The following MAML3 variants were observed in gnomAD, a reference collection of about 807,000 sequenced individuals.
MAML3 encodes the protein mastermind like transcriptional coactivator 3.
In MAML3, 27 loss-of-function variants were observed where a neutral mutation model predicts 101.9. The ratio of observed to expected loss-of-function variants is 0.27; its 90% CI spans 0.20 to 0.37. The LOEUF (loss-of-function observed/expected upper bound fraction) is 0.37, where lower values mean the gene tolerates loss of function less well. Ranked by LOEUF, MAML3 falls within the 10% of genes least tolerant of loss-of-function variation. The pLI, the probability that MAML3 is intolerant of heterozygous loss-of-function variation, is 1.00. For missense variants in MAML3, 1,316 were observed against 1,444.9 expected, an observed-to-expected ratio of 0.91 and a Z score of 1.45; for synonymous variants, 501 against 555.9, an observed-to-expected ratio of 0.90 and a Z score of 1.39.
intron 2 of MAML3, among the ~76,000 whole-genome samples, chr4:139,756,526 C>A (rs936540033): frequency 6.6e-6 from 1 of 152,088 alleles, no homozygotes; most frequent in Non-Finnish European, 1.5e-5. Flanking sequence ...TTAAAGGGAC[C>A]CCGAGGCACT....
At chr4:139,750,126 C>T (rs1018710068) in intron 2 of MAML3, among the ~76,000 whole-genome samples, 1 of 152,152 alleles carries the variant, frequency 6.6e-6, no homozygotes, top group Non-Finnish European at 1.5e-5. Context: ...GCAAGAATTC[C>T]AAACCCCCAA....
At chr4:140,049,659 A>G (rs1161243798) in intron 1 of MAML3, among the ~76,000 whole-genome samples, 2 of 143,594 alleles carry the variant, frequency 1.4e-5, no homozygotes, top group Non-Finnish European at 3.0e-5. Flanking sequence ...TATAAATCAT[A>G]CATGTTGCCT....
chr4:139,778,589 C>T (rs941917765), intron 2 of MAML3, among the ~76,000 whole-genome samples: 1 of 152,186 alleles, frequency 6.6e-6, no homozygotes, highest in African/African-American at 2.4e-5. Context: ...CATAAAGAAT[C>T]GTTAGAGACT....
chr4:139,982,548 T>C (rs1734462353), intron 1 of MAML3, among the ~76,000 whole-genome samples: 1 of 152,188 alleles, frequency 6.6e-6, no homozygotes, highest in African/African-American at 2.4e-5. Context: ...AATATATACA[T>C]GAATGCTAAC....
At chr4:139,763,773 G>A (rs116213387) in intron 2 of MAML3, among the ~76,000 whole-genome samples, 1,857 of 152,276 alleles carry the variant, frequency 0.012, 35 homozygotes, top group African/African-American at 0.042. Flanking sequence ...AGAAATTTAC[G>A]AGCAGCTGTA....
chr4:139,736,288 T>C (rs954474924), intron 2 of MAML3, among the ~76,000 whole-genome samples: 7 of 152,182 alleles, frequency 4.6e-5, no homozygotes, highest in African/African-American at 7.2e-5. Flanking sequence ...AAAGATACTA[T>C]TGAAAGTTTT....
intron 2 of MAML3, among the ~76,000 whole-genome samples, chr4:139,868,210 G>A (rs775832996): frequency 1.3e-5 from 2 of 152,176 alleles, no homozygotes; most frequent in South Asian, 4.1e-4. Flanking sequence ...TGGTGACTGT[G>A]CAATCAACTG....
intron 2 of MAML3, among the ~76,000 whole-genome samples, chr4:139,739,949 T>C (rs12501846): frequency 0.15 from 22,059 of 152,106 alleles, 1,713 homozygotes; most frequent in East Asian, 0.28. Flanking sequence ...ACCTGGACTA[T>C]TTCTCCCTGA....
chr4:139,827,186 G>A (rs1031712183), intron 2 of MAML3, among the ~76,000 whole-genome samples: 18 of 152,098 alleles, frequency 1.2e-4, no homozygotes, highest in African/African-American at 4.3e-4. Context: ...AAATAGGGAG[G>A]TGTATGTATT....
intron 1 of MAML3, among the ~76,000 whole-genome samples, chr4:140,056,810 C>CAA (rs559141021): frequency 0.21 from 26,509 of 127,100 alleles, 2,823 homozygotes; most frequent in Non-Finnish European, 0.26. Context: ...GACTCTGTCT[C>CAA]AAAAAAAAAA....
At chr4:139,957,909 G>A (rs369243844) in intron 1 of MAML3, among the ~76,000 whole-genome samples, 4 of 152,170 alleles carry the variant, frequency 2.6e-5, no homozygotes, top group East Asian at 1.9e-4. Flanking sequence ...TAACATATCC[G>A]TGACTGACAC....
chr4:139,857,482 T>C (rs1377507683), intron 2 of MAML3, among the ~76,000 whole-genome samples: 1 of 152,160 alleles, frequency 6.6e-6, no homozygotes, highest in African/African-American at 2.4e-5. Flanking sequence ...TTCTTACCTA[T>C]TGTTTGGCTA....
chr4:139,729,743 T>C (rs974596598), intron 3 of MAML3, among the ~76,000 whole-genome samples: 2 of 152,214 alleles, frequency 1.3e-5, no homozygotes, highest in Admixed American at 1.3e-4. Flanking sequence ...GGGAAGGCTT[T>C]CTCTCAAAGC....
At chr4:139,858,674 C>G (rs939435227) in intron 2 of MAML3, among the ~76,000 whole-genome samples, 1 of 152,158 alleles carries the variant, frequency 6.6e-6, no homozygotes, top group South Asian at 2.1e-4. Context: ...GAGAGGGCGG[C>G]ACTGCCTGAG....
Position 139,730,468 on chromosome 4 carries a change from C to G in MAML3, c.2279G>C (p.Arg760Pro). 2 of 1,552,500 alleles carry G rather than the reference C, an allele frequency of 1.3e-6. No individual in the cohort carries two copies. The highest frequency in any genetic ancestry group is 8.7e-7 in the Non-Finnish European group (1 of 1,147,504). The stretch of plus-strand genomic sequence containing the variant: ...CTGCTGCTGCTGCTGCCTTTGCTCC[C>G]GCAGGAACTGTTGCTTCTGCTGCTC... ...LIEQQKQQFL[R>P]EQRQQQQQQQ... The change falls in exon 3 of 5, where the codon CGG becomes CCG. Residue 760 changes from arginine to proline, a missense_variant. Coordinates refer to ENST00000509479, the MANE Select transcript of MAML3 (RefSeq NM_018717.5).
At chr4:139,766,509 T>A (rs1266006094) in intron 2 of MAML3, among the ~76,000 whole-genome samples, 2 of 152,050 alleles carry the variant, frequency 1.3e-5, no homozygotes, top group African/African-American at 4.8e-5. Context: ...GCCAAGGTAG[T>A]GTCAATGAGG....
At position 140,153,474 on chromosome 4, in the gene MAML3, G is replaced by C; in HGVS notation, c.-147C>G. The C allele has an allele frequency of 3.2e-4, 190 of 589,252 alleles. No individual in the cohort carries two copies. Among genetic ancestry groups the C allele is most frequent in the East Asian group, 8.4e-4 (15 of 17,820 alleles). 36.5% of individuals were successfully genotyped at this position (589,252 alleles called of 1,614,324 possible). ...ATGGAAACGGCGATCCCGACGGGGCGAAAAAAACGGGGGGGGAGATTTTGG... is the reference window on the plus strand; with the variant it reads ...ATGGAAACGGCGATCCCGACGGGGCCAAAAAAACGGGGGGGGAGATTTTGG... On this transcript the variant is annotated 5_prime_UTR_variant, in exon 1 of 5. Coordinates refer to ENST00000509479, the MANE Select transcript of MAML3 (RefSeq NM_018717.5).
At chr4:139,836,253 G>T (rs1020957674) in intron 2 of MAML3, among the ~76,000 whole-genome samples, 1 of 152,190 alleles carries the variant, frequency 6.6e-6, no homozygotes, top group Non-Finnish European at 1.5e-5. Flanking sequence ...AGGTGTTATA[G>T]AGACCAGACA....
At chr4:140,133,172 A>G in intron 1 of MAML3, 1 of 394,384 alleles carries the variant, frequency 2.5e-6, no homozygotes. Flanking sequence ...AACAAAAAGA[A>G]AAAAAAGAGA....
Sources: allele counts gnomAD v4.1 joint callset (sites outside exome capture counted in the v4.1 genomes callset), GRCh38; gene constraint gnomAD v4.1.1; transcripts MANE v1.5; gene names NCBI Gene and HGNC (gene_info 2026-07-23, HGNC 2026-07-21).